The following GRHL1 variants were observed in gnomAD, a reference collection of about 807,000 sequenced individuals.
The protein encoded by GRHL1 is grainyhead like transcription factor 1.
In GRHL1, 38 loss-of-function variants were observed where a neutral mutation model predicts 75.7. The observed-to-expected ratio is 0.50, with a 90% confidence interval of 0.39 to 0.66. The LOEUF is 0.66. Ranked by LOEUF, GRHL1 falls within the 30% of genes least tolerant of loss-of-function variation. The pLI is 0.00. For synonymous variants in GRHL1, 266 were observed against 279.4 expected (o/e 0.95, Z 0.48); for missense variants, 589 against 767.5 (o/e 0.77, Z 2.75).
Position 10,002,235 on chromosome 2 carries a change from A to G in GRHL1, c.*1528A>G, listed in dbSNP as rs1669296859. 6.6e-6 allele frequency: 1 copy of G among 152,640 alleles called. No homozygotes were observed. The highest frequency in any genetic ancestry group is 1.5e-5 in the Non-Finnish European group (1 of 68,042). The allele number at this position is 152,640 out of a possible 1,614,324, so 9.5% of individuals were successfully genotyped here. A position where few individuals can be genotyped will look rare whatever the true frequency, so the allele number is the denominator to read the frequency against. ...TTTTTAATTGTATCATTGAAGATGT[A>G]TTTTAAACCAAAGGAATTAAATTTT... is the stretch of plus-strand genomic sequence containing the variant. On this transcript the variant is annotated 3_prime_UTR_variant, in exon 16 of 16. Transcript: ENST00000324907.
At chr2:9,983,690 A>G (rs10188662) in intron 8 of GRHL1, among the ~76,000 whole-genome samples, 1 of 152,142 alleles carries the variant, frequency 6.6e-6, no homozygotes, top group African/African-American at 2.4e-5. Flanking sequence ...GTGGCCTAGA[A>G]TGACAGAAAA....
At position 10,002,096 on chromosome 2, in the gene GRHL1, A is replaced by G. The variant is rs919954097; in HGVS notation, c.*1389A>G. On this transcript the variant is annotated 3_prime_UTR_variant, in exon 16 of 16. Transcript: ENST00000324907. ...GGACTGGTAGTTACAGTCTTAGGTTAAAGTATTCTAATGAAGTATGGGAAC... is the reference window on the plus strand; with the variant it reads ...GGACTGGTAGTTACAGTCTTAGGTTGAAGTATTCTAATGAAGTATGGGAAC... 2 of 152,652 alleles carry G rather than the reference A, an allele frequency of 1.3e-5. No individual in the cohort carries two copies. Among genetic ancestry groups the G allele is most frequent in the African/African-American group, 4.8e-5 (2 of 41,458 alleles). 9.5% of individuals were successfully genotyped at this position (152,652 alleles called of 1,614,324 possible). A position where few individuals can be genotyped will look rare whatever the true frequency, so the allele number is the denominator to read the frequency against.
At position 9,992,034 on chromosome 2, in the gene GRHL1, C is replaced by A. The variant is rs745706442; in HGVS notation, c.1349C>A (p.Pro450His). Residue 450 changes from proline (P) to histidine (H), a missense_variant, in exon 11 of 16, where the codon CCC (proline) becomes CAC (histidine). Around this residue, in one of 5 missense-constraint regions of GRHL1, gnomAD observed 192 missense variants for 226.6 expected, o/e 0.85. Transcript: ENST00000324907. This position sits in a 1 kb window ranked among gnomAD's most constrained non-coding sequence, Gnocchi z 4.6. ...TCTGATGTTAAAGTGCCACTGCTTCCCTCTCACAAGCGAATGGATATCACA... is the reference window on the plus strand; with the variant it reads ...TCTGATGTTAAAGTGCCACTGCTTCACTCTCACAAGCGAATGGATATCACA... Reference protein sequence around the residue: ...KVSDVKVPLLPSHKRMDITVF... With the variant: ...KVSDVKVPLLHSHKRMDITVF... The A allele has an allele frequency of 3.1e-6, 5 of 1,608,658 alleles. No homozygotes were observed. The Admixed American group carries it at 8.4e-5, about 27-fold the overall frequency.
At chr2:9,983,922 C>T (rs2012320) in intron 8 of GRHL1, among the ~76,000 whole-genome samples, 31,892 of 151,298 alleles carry the variant, frequency 0.21, 3,563 homozygotes, top group African/African-American at 0.28. Flanking sequence ...TTTGGGAGGC[C>T]GAGGTGGGCG....
intron 12 of GRHL1, among the ~76,000 whole-genome samples, chr2:9,995,599 A>AC (rs371765803): frequency 0.19 from 29,363 of 150,914 alleles, 2,974 homozygotes; most frequent in African/African-American, 0.24. Flanking sequence ...AAAAAAAAAA[A>AC]AACCAAAGCG....
chr2:9,980,507 G>A (rs2125230413), intron 8 of GRHL1, among the ~76,000 whole-genome samples: 1 of 152,208 alleles, frequency 6.6e-6, no homozygotes, highest in African/African-American at 2.4e-5. Flanking sequence ...AGAAAAATGG[G>A]CTAGACATTT....
At chr2:9,970,653 C>T (rs1022303736) in intron 8 of GRHL1, among the ~76,000 whole-genome samples, 1 of 152,218 alleles carries the variant, frequency 6.6e-6, no homozygotes, top group Non-Finnish European at 1.5e-5. Flanking sequence ...TGTGCTGTCT[C>T]AGCCTGTGGA....
At chr2:9,996,043 G>A (rs1668849137) in intron 13 of GRHL1, 73 bp downstream of exon 13, 2 of 983,190 alleles carry the variant, frequency 2.0e-6, no homozygotes, top group Non-Finnish European at 3.3e-6. Flanking sequence ...AAGCATAAAT[G>A]GTTCAAGCAC....
chr2:9,996,206 G>A, intron 13 of GRHL1, 110 bp from the exon 14 acceptor site: 1 of 802,926 alleles, frequency 1.2e-6, no homozygotes, highest in East Asian at 2.4e-5. Flanking sequence ...ATGTGAATGT[G>A]GTTTTTATTT....
Position 9,958,802 on chromosome 2 carries a change from G to C in GRHL1, c.224G>C (p.Arg75Thr), listed in dbSNP as rs1322449452. The C allele has an allele frequency of 6.2e-7, 1 of 1,613,470 alleles. No individual in the cohort carries two copies. The highest frequency in any genetic ancestry group is 8.5e-7 in the Non-Finnish European group (1 of 1,179,478). ...TAATATCAGGTTCCAAGAGAGAGAA[G>C]GTCATCAACAGCAAAGCCAGAGGTG... ...YDYYKVPRER[R>T]SSTAKPEVEH... Residue 75 changes from arginine to threonine, a missense_variant, in exon 3 of 16, where the codon AGG becomes ACG. Transcript: ENST00000324907.
chr2:10,000,025 C>T (rs1446410932), intron 15 of GRHL1, among the ~76,000 whole-genome samples: 1 of 152,198 alleles, frequency 6.6e-6, no homozygotes, highest in Admixed American at 6.5e-5. Flanking sequence ...ACTCTATCGC[C>T]CAGGCTGGAG....
chr2:9,976,216 T>C (rs1478587196), intron 8 of GRHL1, among the ~76,000 whole-genome samples: 1 of 152,126 alleles, frequency 6.6e-6, no homozygotes, highest in Non-Finnish European at 1.5e-5. Context: ...GATTGCACTC[T>C]AGTAAGCGTA....
At chr2:9,989,326 T>C (rs1351088023) in intron 9 of GRHL1, among the ~76,000 whole-genome samples, 1 of 152,220 alleles carries the variant, frequency 6.6e-6, no homozygotes, top group Non-Finnish European at 1.5e-5. Context: ...TGGAGCACTA[T>C]GTAAAGAAAT....
At position 9,968,612 on chromosome 2, in the gene GRHL1, A is replaced by C. The variant is rs1010024706; in HGVS notation, c.1110+3231A>C. On this transcript the variant is annotated intron_variant, in intron 8 of 15. Coordinates refer to ENST00000324907, the MANE Select transcript of GRHL1 (RefSeq NM_198182.3). The surrounding 1 kb of genome is among the most constrained non-coding windows in gnomAD (Gnocchi z 4.7). ...GCAATTGCCTTTGAAGCATTAAAAG[A>C]TGGAGCTTTGGTAAGATGCTGAAGT... Among the ~76,000 whole-genome samples, 5 of 152,322 alleles carry C rather than the reference A, an allele frequency of 3.3e-5. No individual in the cohort carries two copies. Among genetic ancestry groups the C allele is most frequent in the South Asian group, 2.1e-4 (1 of 4,828 alleles).
intron 1 of GRHL1, chr2:9,953,066 G>C (rs983416828): frequency 8.8e-6 from 4 of 456,732 alleles, no homozygotes; most frequent in Non-Finnish European, 1.8e-5. Context: ...AACTGGTTTT[G>C]TGTTTATTTC....
chr2:9,977,293 CA>C (rs1030933025), intron 8 of GRHL1, among the ~76,000 whole-genome samples: 9 of 148,704 alleles, frequency 6.1e-5, no homozygotes, highest in African/African-American at 2.3e-4. Flanking sequence ...AATTCAGTAC[CA>C]TTTAATAACA....
At chr2:9,977,738 C>G (rs751715164) in intron 8 of GRHL1, among the ~76,000 whole-genome samples, 3 of 152,164 alleles carry the variant, frequency 2.0e-5, no homozygotes, top group Non-Finnish European at 4.4e-5. Flanking sequence ...GTTCTCACTC[C>G]GCCCTCCGTG....
chr2:9,987,490 T>C lies in GRHL1; in HGVS notation c.1269+1208T>C, dbSNP rs1429141150. ...GAGCTCTTCCTTAGCTGTGTCCGAGTGGCTGAATCACAAAGTGCTGTGCCT... is the reference window on the plus strand; with the variant it reads ...GAGCTCTTCCTTAGCTGTGTCCGAGCGGCTGAATCACAAAGTGCTGTGCCT... On this transcript the variant is annotated intron_variant, in intron 9 of 15. Transcript: ENST00000324907. This position sits in a 1 kb window ranked among gnomAD's most constrained non-coding sequence, Gnocchi z 4.2. Among the ~76,000 whole-genome samples the C allele has an allele frequency of 2.0e-5, 3 of 152,160 alleles. No individual in the cohort carries two copies. The highest frequency in any genetic ancestry group is 7.2e-5 in the African/African-American group (3 of 41,434).
At chr2:9,977,768 C>T (rs1303706106) in intron 8 of GRHL1, among the ~76,000 whole-genome samples, 1 of 152,202 alleles carries the variant, frequency 6.6e-6, no homozygotes, top group Non-Finnish European at 1.5e-5. Context: ...CAGGTGATGA[C>T]CTTGACCGAG....
Sources: allele counts gnomAD v4.1 joint callset (sites outside exome capture counted in the v4.1 genomes callset), GRCh38; gene constraint gnomAD v4.1.1; regional missense constraint gnomAD v4.1.1; non-coding constraint Gnocchi (gnomAD v3.1); transcripts MANE v1.5; gene names NCBI Gene and HGNC (gene_info 2026-07-23, HGNC 2026-07-21).